Variants in MPV17L observed in about 807,000 individuals in gnomAD.
MPV17L encodes mpv17-like protein.
A neutral mutation model predicts 25.8 loss-of-function variants in MPV17L; 24 were observed. The ratio of observed to expected loss-of-function variants is 0.93; its 90% CI spans 0.67 to 1.31. MPV17L has a LOEUF of 1.31. Ranked by LOEUF, MPV17L falls within the 50% of genes most tolerant of loss-of-function variation. The pLI, the probability that MPV17L is intolerant of heterozygous loss-of-function variation, is 0.00. For synonymous variants in MPV17L, 102 were observed against 115.3 expected (o/e 0.88, Z 0.74); for missense variants, 250 against 265.6 (o/e 0.94, Z 0.41).
In MPV17L at chr16:15,395,760, T is replaced by C; in HGVS notation, c.-138T>C. 1 of 823,216 alleles carries C rather than the reference T, an allele frequency of 1.2e-6. No individual in the cohort carries two copies. The highest frequency in any genetic ancestry group is 1.7e-6 in the Non-Finnish European group (1 of 583,568). The allele number at this position is 823,216 out of a possible 1,614,324, so 51.0% of individuals were successfully genotyped here. ...GGGTGTGTGTGGGTCGCTCAATCGC[T>C]CCGGAGCTTCTGGAGGGGGCAGATG... On this transcript the variant is annotated 5_prime_UTR_variant, in exon 1 of 4. Coordinates refer to ENST00000396385, the MANE Select transcript of MPV17L (RefSeq NM_001128423.2).
intron 2 of MPV17L, among the ~76,000 whole-genome samples, chr16:15,407,330 G>C (rs2150908083): frequency 6.6e-6 from 1 of 152,078 alleles, no homozygotes; most frequent in Non-Finnish European, 1.5e-5. Context: ...CACTCTAGAG[G>C]CCTTAAGTAG....
intron 1 of MPV17L, among the ~76,000 whole-genome samples, chr16:15,399,733 A>G (rs757226860): frequency 5.3e-5 from 8 of 152,186 alleles, no homozygotes; most frequent in Non-Finnish European, 1.2e-4. Context: ...TGTAGTCGCC[A>G]GAGTATTTGG....
At chr16:15,400,947 TTA>T in intron 2 of MPV17L, 90 bp downstream of exon 2, 1 of 839,896 alleles carries the variant, frequency 1.2e-6, no homozygotes, top group Non-Finnish European at 1.6e-6. Flanking sequence ...GTGTTTATAT[TTA>T]TAAAGATTAA....
intron 1 of MPV17L, among the ~76,000 whole-genome samples, chr16:15,398,355 C>T (rs1335830378): frequency 2.0e-5 from 3 of 151,848 alleles, no homozygotes; most frequent in African/African-American, 7.3e-5. Context: ...GTTCTTAATA[C>T]TCTCATATTA....
At chr16:15,399,920 T>C (rs2050618940) in intron 1 of MPV17L, among the ~76,000 whole-genome samples, 1 of 152,110 alleles carries the variant, frequency 6.6e-6, no homozygotes, top group African/African-American at 2.4e-5. Context: ...TCCTTCTGCC[T>C]CAGCCTCTCA....
At chr16:15,405,731 A>G (rs1598426395) in intron 2 of MPV17L, among the ~76,000 whole-genome samples, 2 of 151,214 alleles carry the variant, frequency 1.3e-5, no homozygotes, top group East Asian at 2.0e-4. Flanking sequence ...ACAGGGGTAT[A>G]TTTTATATTT....
chr16:15,402,028 C>A (rs1175121678), intron 2 of MPV17L, among the ~76,000 whole-genome samples: 1 of 152,134 alleles, frequency 6.6e-6, no homozygotes, highest in East Asian at 1.9e-4. Flanking sequence ...TTAATGGAAT[C>A]ATTCCCACAT....
chr16:15,395,879 G>T lies in MPV17L; in HGVS notation c.-19G>T, dbSNP rs2050573621. The T allele has an allele frequency of 3.6e-6, 5 of 1,386,020 alleles. No individual in the cohort carries two copies. The highest frequency in any genetic ancestry group is 4.6e-6 in the Non-Finnish European group (5 of 1,082,516). 85.9% of individuals were successfully genotyped at this position (1,386,020 alleles called of 1,614,324 possible). A position where few individuals can be genotyped will look rare whatever the true frequency, so the allele number is the denominator to read the frequency against. ...GCCGACCACGCGGGCTCCTGATCGC[G>T]GGCGCCCACAGCGCGGACATGGCGG... On this transcript the variant is annotated 5_prime_UTR_variant, in exon 1 of 4. Coordinates refer to ENST00000396385, the MANE Select transcript of MPV17L (RefSeq NM_001128423.2).
intron 2 of MPV17L, among the ~76,000 whole-genome samples, chr16:15,406,563 C>G (rs2050682149): frequency 6.6e-6 from 1 of 152,030 alleles, no homozygotes; most frequent in African/African-American, 2.4e-5. Flanking sequence ...TAAACTTGTT[C>G]TATAGCATCA....
intron 2 of MPV17L, among the ~76,000 whole-genome samples, chr16:15,407,609 G>T (rs1481472442): frequency 6.6e-6 from 1 of 152,068 alleles, no homozygotes; most frequent in Non-Finnish European, 1.5e-5. Context: ...AGGTGAGGTG[G>T]TGTGTGCCTG....
chr16:15,407,539 C>T (rs1415029521), intron 2 of MPV17L, among the ~76,000 whole-genome samples: 1 of 151,868 alleles, frequency 6.6e-6, no homozygotes, highest in Non-Finnish European at 1.5e-5. Context: ...GTCGGGAGTT[C>T]GAGACCAGCC....
At chr16:15,398,140 T>G (rs2050603234) in intron 1 of MPV17L, among the ~76,000 whole-genome samples, 1 of 151,752 alleles carries the variant, frequency 6.6e-6, no homozygotes, top group Admixed American at 6.6e-5. Context: ...CATCTCCAGG[T>G]TCAAGCAATT....
At position 15,408,288 on chromosome 16, in the gene MPV17L, T is replaced by C. The variant is rs1342935821; in HGVS notation, c.*176T>C. 3 of 542,660 alleles carry C rather than the reference T, an allele frequency of 5.5e-6. No homozygotes were observed. The African/African-American group carries it at 5.7e-5, about 10-fold the overall frequency. The allele number at this position is 542,660 out of a possible 1,614,324, so 33.6% of individuals were successfully genotyped here. ...TATTTTTGAATTGTATTCAGACTTT[T>C]TTCCTGTTCTAGTCTGAAATATTAC... is the stretch of plus-strand genomic sequence containing the variant. On this transcript the variant is annotated 3_prime_UTR_variant, in exon 4 of 4. Coordinates refer to ENST00000396385, the MANE Select transcript of MPV17L (RefSeq NM_001128423.2).
chr16:15,401,829 A>C (rs2050642461), intron 2 of MPV17L, among the ~76,000 whole-genome samples: 1 of 152,132 alleles, frequency 6.6e-6, no homozygotes, highest in Non-Finnish European at 1.5e-5. Context: ...AAAAGAGAAA[A>C]AAGAAGAAAA....
In MPV17L at chr16:15,411,565, G is replaced by A. The variant is rs974622248; in HGVS notation, c.*3453G>A. 1.3e-5 allele frequency: 2 copies of A among 152,164 alleles called. No homozygotes were observed. The highest frequency in any genetic ancestry group is 4.8e-5 in the African/African-American group (2 of 41,438). 9.4% of individuals were successfully genotyped at this position (152,164 alleles called of 1,614,324 possible). A position where few individuals can be genotyped will look rare whatever the true frequency, so the allele number is the denominator to read the frequency against. On this transcript the variant is annotated 3_prime_UTR_variant, in exon 4 of 4. Transcript: ENST00000396385. ...GAAGACTCATGCAGGAGGATCTCTC[G>A]AGCTCAGGAGGCAGAAGATGAATAA... is the stretch of plus-strand genomic sequence containing the variant.
At chr16:15,401,542 C>T (rs1317706384) in intron 2 of MPV17L, among the ~76,000 whole-genome samples, 1 of 152,006 alleles carries the variant, frequency 6.6e-6, no homozygotes. Flanking sequence ...GTCTCTGGGC[C>T]CGGTGCAGTG....
At position 15,401,046 on chromosome 16, in the gene MPV17L, G is replaced by GTA. The variant is rs369559025; in HGVS notation, c.381+191_381+192dup. On this transcript the variant is annotated intron_variant, in intron 2 of 3. Transcript: ENST00000396385. ...TGTTTAATCACATCAGGATTTTTTT[G>GTA]TATGTGTGTGTGTATATATATATAT... Among the ~76,000 whole-genome samples the GTA allele has an allele frequency of 1.2e-3, 77 of 63,726 alleles. No individual in the cohort carries two copies. In the East Asian group the frequency reaches 0.02, roughly 17 times the overall value. The allele number at this position is 63,726 out of a possible 152,430, so 41.8% of individuals were successfully genotyped here.
intron 2 of MPV17L, 86 bp downstream of exon 2, chr16:15,400,943 A>G (rs1419961256): frequency 2.2e-5 from 19 of 875,178 alleles, no homozygotes; most frequent in Non-Finnish European, 2.2e-5. Flanking sequence ...TTTTGTGTTT[A>G]TATTTATAAA....
chr16:15,402,451 T>G (rs576703896), intron 2 of MPV17L, among the ~76,000 whole-genome samples: 1 of 152,272 alleles, frequency 6.6e-6, no homozygotes, highest in South Asian at 2.1e-4. Context: ...TAGCATCATC[T>G]GTTGGATGGT....
Sources: gnomAD v4.1 joint callset for allele counts (sites outside exome capture counted in the v4.1 genomes callset) on GRCh38, gnomAD v4.1.1 for gene constraint, MANE v1.5 for transcripts, NCBI Gene and HGNC (gene_info 2026-07-23, HGNC 2026-07-21) for gene names.